ABR: variants seen among roughly 807,000 people sequenced by gnomAD.
ABR encodes the protein active breakpoint cluster region-related protein.
A neutral mutation model predicts 107.2 loss-of-function variants in ABR; 35 were observed. That is an observed-to-expected ratio of 0.33 (90% CI 0.25 to 0.43). ABR has a LOEUF of 0.43. Ranked by LOEUF, ABR falls within the 20% of genes least tolerant of loss-of-function variation. The pLI is 1.00. For synonymous variants in ABR, 498 were observed against 462.0 expected, an observed-to-expected ratio of 1.08 and a Z score of -1.00; for missense variants, 815 against 1,115.2, an observed-to-expected ratio of 0.73 and a Z score of 3.83.
chr17:1,212,450 C>CAACAA (rs761010247), intron 1 of ABR, among the ~76,000 whole-genome samples: 1 of 151,656 alleles, frequency 6.6e-6, no homozygotes, highest in Admixed American at 6.6e-5. Flanking sequence ...AAAAAAACAA[C>CAACAA]AACAAAACAA....
intron 2 of ABR, among the ~76,000 whole-genome samples, chr17:1,113,772 A>C (rs530224144): frequency 6.6e-6 from 1 of 152,324 alleles, no homozygotes; most frequent in Admixed American, 6.5e-5. Context: ...AACTCTGTAG[A>C]CACACATAAT....
rs543811473 is a variant in ABR, at chr17:1,148,674, C to T, written c.62-23307G>A. 4.6e-5 allele frequency among the ~76,000 whole-genome samples: 7 copies of T among 152,324 alleles called. No homozygotes were observed. The East Asian group carries it at 7.7e-4, about 17-fold the overall frequency. On this transcript the variant is annotated intron_variant, in intron 1 of 22. Coordinates refer to ENST00000302538, the MANE Select transcript of ABR (RefSeq NM_021962.5). The surrounding 1 kb of genome is among the most constrained non-coding windows in gnomAD (Gnocchi z 4.9). The stretch of plus-strand genomic sequence containing the variant: ...AGGGATCGCAGTTCCATCCCGAAAG[C>T]GCTCCCCACCCTTCCCCGGTCCGTG...
chr17:1,093,005 T>G (rs934494242), intron 3 of ABR, among the ~76,000 whole-genome samples: 1 of 151,678 alleles, frequency 6.6e-6, no homozygotes, highest in African/African-American at 2.4e-5. Context: ...GTATTTTTAG[T>G]AGAGACGGGG....
Position 1,157,780 on chromosome 17 carries a change from A to C in ABR, c.61+21887T>G, listed in dbSNP as rs138220691. ...GGACCATGACCTGAGCCTGCCTGCC[A>C]GGCACAGAACCTCAGGCGCACCCAG... On this transcript the variant is annotated intron_variant, in intron 1 of 22. Transcript: ENST00000302538. This position sits in a 1 kb window ranked among gnomAD's most constrained non-coding sequence, Gnocchi z 4.7. Among the ~76,000 whole-genome samples, 475 of 152,382 alleles carry C rather than the reference A, an allele frequency of 3.1e-3. 2 individuals carry two copies. The highest frequency in any genetic ancestry group is 3.6e-3 in the Non-Finnish European group (243 of 68,040).
chr17:1,005,014 G>A lies in ABR; in HGVS notation c.*1066C>T. 1 of 399,116 alleles carries A rather than the reference G, an allele frequency of 2.5e-6. No homozygotes were observed. 24.7% of individuals were successfully genotyped at this position (399,116 alleles called of 1,614,324 possible). On this transcript the variant is annotated 3_prime_UTR_variant, in exon 23 of 23. Transcript: ENST00000302538. The stretch of plus-strand genomic sequence containing the variant: ...GGCCACATCAGTCACCCTCCAGGAA[G>A]CCTGGCCCCTCTTGAAAAGCCCCCA...
At chr17:1,201,395 C>G (rs766329556) in intron 1 of ABR, among the ~76,000 whole-genome samples, 8 of 152,116 alleles carry the variant, frequency 5.3e-5, no homozygotes, top group Non-Finnish European at 1.0e-4. Context: ...GAAGACACCC[C>G]GCACAGCGCC....
intron 1 of ABR, among the ~76,000 whole-genome samples, chr17:1,141,079 G>C (rs558805603): frequency 1.6e-4 from 25 of 152,262 alleles, no homozygotes; most frequent in East Asian, 5.8e-4. Context: ...AGGGCAGAAG[G>C]GTCCTTGGGA....
intron 1 of ABR, among the ~76,000 whole-genome samples, chr17:1,202,998 T>C (rs1158174995): frequency 3.3e-5 from 5 of 151,794 alleles, no homozygotes; most frequent in Admixed American, 2.0e-4. Flanking sequence ...GCAATTCTCC[T>C]GCCTCAGCCT....
At chr17:1,145,365 C>A (rs2151509674) in intron 1 of ABR, among the ~76,000 whole-genome samples, 1 of 152,356 alleles carries the variant, frequency 6.6e-6, no homozygotes, top group African/African-American at 2.4e-5. Flanking sequence ...CTACTTCCTG[C>A]TTCCCCTCCG....
At position 1,225,494 on chromosome 17, in the gene ABR, A is replaced by C. The variant is rs540659944; in HGVS notation, c.838+3299T>G. Among the ~76,000 whole-genome samples, 97 of 151,782 alleles carry C rather than the reference A, an allele frequency of 6.4e-4. 2 individuals carry two copies. The highest frequency in any genetic ancestry group is 2.3e-3 in the African/African-American group (95 of 41,386). ...ATGGTGAAACCCCATCTCATCTAAA[A>C]TACAAAAATTAGCCAGGCGTAGTGG... On this transcript the variant is annotated intron_variant, in intron 1 of 22. Coordinates refer to the ABR transcript ENST00000574139.
intron 16 of ABR, among the ~76,000 whole-genome samples, chr17:1,019,560 C>T (rs1033722638): frequency 1.2e-4 from 18 of 151,576 alleles, no homozygotes; most frequent in African/African-American, 3.7e-4. Flanking sequence ...GCCCTGACAA[C>T]GACGCTCTGT....
intron 16 of ABR, among the ~76,000 whole-genome samples, chr17:1,016,441 C>G (rs571373347): frequency 6.6e-6 from 1 of 151,278 alleles, no homozygotes; most frequent in Admixed American, 6.6e-5. Flanking sequence ...CTCAGCCTCC[C>G]GAGTAGCTGG....
At chr17:1,058,908 G>T in intron 10 of ABR, 41 bp from the exon 11 acceptor site, 1 of 1,611,362 alleles carries the variant, frequency 6.2e-7, no homozygotes, top group Non-Finnish European at 8.5e-7. Context: ...CTCACACTCG[G>T]GCCTTTCTCA....
chr17:1,112,549 A>G (rs903657708), intron 2 of ABR, among the ~76,000 whole-genome samples: 29 of 146,532 alleles, frequency 2.0e-4, no homozygotes, highest in South Asian at 2.3e-4. Context: ...ATGAGCTATG[A>G]TCGCACCACT....
At chr17:1,023,145 A>ACTCCAGAGCCTCTGCCTGCCCCACGTCCG (rs2071853678) in intron 16 of ABR, among the ~76,000 whole-genome samples, 1 of 140,772 alleles carries the variant, frequency 7.1e-6, no homozygotes, top group African/African-American at 2.8e-5. Context: ...CCCCACGTCC[A>ACTCCAGAGCCTCTGCCTGCCCCACGTCCG]CTCCAGCGCC....
intron 2 of ABR, among the ~76,000 whole-genome samples, chr17:1,116,811 G>C (rs984233875): frequency 6.6e-6 from 1 of 152,208 alleles, no homozygotes; most frequent in African/African-American, 2.4e-5. Flanking sequence ...CCTGGCACAC[G>C]GGAGGGTCCA....
At chr17:1,128,442 C>T (rs2039690442) in intron 1 of ABR, among the ~76,000 whole-genome samples, 3 of 152,250 alleles carry the variant, frequency 2.0e-5, no homozygotes, top group Admixed American at 2.0e-4. Flanking sequence ...CTACTGTATT[C>T]GGAGCGGCAG....
chr17:1,198,943 A>C (rs866557758), intron 1 of ABR, among the ~76,000 whole-genome samples: 56 of 146,456 alleles, frequency 3.8e-4, no homozygotes, highest in African/African-American at 1.3e-3. Context: ...AATCCCAGCT[A>C]CTTGGGAGGC....
At chr17:1,065,266 ACTG>A (rs758914784) in intron 10 of ABR, among the ~76,000 whole-genome samples, 1 of 10,754 alleles carries the variant, frequency 9.3e-5, no homozygotes, top group African/African-American at 7.0e-4. Context: ...TCCTCTAGAC[ACTG>A]CTGTTACGTG....
Sources: allele counts gnomAD v4.1 joint callset (sites outside exome capture counted in the v4.1 genomes callset), GRCh38; gene constraint gnomAD v4.1.1; non-coding constraint Gnocchi (gnomAD v3.1); transcripts MANE v1.5; gene names NCBI Gene and HGNC (gene_info 2026-07-23, HGNC 2026-07-21).